The following VPS13B variants were observed in gnomAD, a reference collection of about 807,000 sequenced individuals.
VPS13B encodes the protein vacuolar protein sorting 13 homolog B, also known as intermembrane lipid transfer protein VPS13B.
Under a neutral mutation model 426.4 loss-of-function variants are expected in VPS13B, and 285 were observed. The observed-to-expected ratio is 0.67, with a 90% CI of 0.61 to 0.74. VPS13B has a LOEUF of 0.74. VPS13B is among the 30% of genes least tolerant of loss of function. The probability of loss-of-function intolerance (pLI) is 0.00; values close to 1 mark genes in which losing one functional copy is unlikely to be tolerated. For synonymous variants in VPS13B, 1,676 were observed against 1,676.4 expected (o/e 1.00, Z 0.01); for missense variants, 4,537 against 4,782.6 (o/e 0.95, Z 1.51).
intron 35 of VPS13B, among the ~76,000 whole-genome samples, chr8:99,674,678 TTAAG>T (rs953909000): frequency 6.6e-6 from 1 of 152,094 alleles, no homozygotes; most frequent in African/African-American, 2.4e-5. Context: ...TTCTTTGTGG[TTAAG>T]TAAGTTTTCT....
chr8:99,691,858 C>A (rs1358488797), intron 35 of VPS13B, among the ~76,000 whole-genome samples: 2 of 141,448 alleles, frequency 1.4e-5, no homozygotes, highest in Non-Finnish European at 3.0e-5. Flanking sequence ...ATCTACCAAG[C>A]AAATGGAAAA....
intron 35 of VPS13B, among the ~76,000 whole-genome samples, chr8:99,689,285 T>A (rs1831546514): frequency 1.3e-5 from 2 of 152,192 alleles, no homozygotes; most frequent in Non-Finnish European, 2.9e-5. Flanking sequence ...TAGTACTTCC[T>A]GTAGATCAAA....
intron 25 of VPS13B, among the ~76,000 whole-genome samples, chr8:99,494,696 A>G (rs1820795991): frequency 6.6e-6 from 1 of 151,894 alleles, no homozygotes; most frequent in Admixed American, 6.6e-5. Context: ...TTTGTCTCCT[A>G]ATTTCTCTGG....
At chr8:99,698,139 A>T in intron 35 of VPS13B, 1 of 247,420 alleles carries the variant, frequency 4.0e-6, no homozygotes, top group South Asian at 6.8e-5. Flanking sequence ...TGAATCAGAG[A>T]CTTCCATAAT....
At chr8:99,237,915 C>T (rs578127852) in intron 17 of VPS13B, among the ~76,000 whole-genome samples, 20 of 149,960 alleles carry the variant, frequency 1.3e-4, no homozygotes, top group African/African-American at 4.7e-4. Flanking sequence ...CCTTCTGAAA[C>T]TCTTAATGGC....
chr8:99,699,680 G>A lies in VPS13B; in HGVS notation c.6202G>A (p.Asp2068Asn), dbSNP rs1212718107. 6.2e-7 allele frequency: 1 copy of A among 1,614,150 alleles called. No homozygotes were observed. The highest frequency in any genetic ancestry group is 8.5e-7 in the Non-Finnish European group (1 of 1,180,038). ...SAMSNTMVNK[D>N]DLPVSKYYRG... Reference sequence around the variant, plus strand: ...CATGTCCAACACCATGGTGAATAAGGATGATCTTCCAGTCTCCAAATATTA... The same window carrying A: ...CATGTCCAACACCATGGTGAATAAGAATGATCTTCCAGTCTCCAAATATTA... The change falls in exon 36 of 62, where the codon GAT (aspartate) becomes AAT (asparagine). Residue 2068 changes from aspartate to asparagine, a missense_variant. Physicochemically the swap from Asp to Asn is conservative, Grantham distance 23 (BLOSUM62 1). Coordinates refer to ENST00000357162, the MANE Select transcript of VPS13B (RefSeq NM_152564.5).
intron 22 of VPS13B, 108 bp from the exon 23 acceptor site, chr8:99,442,293 A>G (rs191221966): frequency 1.1e-6 from 1 of 912,044 alleles, no homozygotes; most frequent in African/African-American, 1.7e-5. Context: ...TAAAGACATA[A>G]ATATGGAACA....
intron 39 of VPS13B, among the ~76,000 whole-genome samples, chr8:99,738,857 C>T (rs1588669569): frequency 6.6e-6 from 1 of 152,148 alleles, no homozygotes; most frequent in Non-Finnish European, 1.5e-5. Context: ...GCCAAGATGG[C>T]TGAATAGGAA....
chr8:99,070,176 A>G (rs761593448), intron 3 of VPS13B, among the ~76,000 whole-genome samples: 2 of 152,192 alleles, frequency 1.3e-5, no homozygotes, highest in Non-Finnish European at 2.9e-5. Context: ...AGCCTCCCAA[A>G]GTGCTGGGAT....
At chr8:99,625,795 A>G (rs941789534) in intron 33 of VPS13B, among the ~76,000 whole-genome samples, 5 of 152,172 alleles carry the variant, frequency 3.3e-5, no homozygotes, top group African/African-American at 1.2e-4. Flanking sequence ...GCAGTGAGCT[A>G]TGGTCACGCC....
chr8:99,816,587 C>G (rs1214192369), intron 44 of VPS13B, among the ~76,000 whole-genome samples: 1 of 152,088 alleles, frequency 6.6e-6, no homozygotes, highest in Non-Finnish European at 1.5e-5. Flanking sequence ...GTGAAGATTA[C>G]TTGAGCTCAG....
rs201727789 is a variant in VPS13B at position 99,465,405 on chromosome 8, G to GTT, written c.3446-1994_3446-1993dup. 6.2e-3 allele frequency among the ~76,000 whole-genome samples: 824 copies of GTT among 133,616 alleles called. 13 individuals carry two copies. Among genetic ancestry groups the GTT allele is most frequent in the African/African-American group, 0.021 (769 of 36,426 alleles). 87.7% of individuals were successfully genotyped at this position (133,616 alleles called of 152,430 possible). On this transcript the variant is annotated intron_variant, in intron 23 of 61. Coordinates refer to ENST00000357162, the MANE Select transcript of VPS13B (RefSeq NM_152564.5). ...GACATGAAGTGTAGTACCTTGAAAG[G>GTT]TTTTTTTTTTTTTTTTAGGAGTTAG... is the stretch of plus-strand genomic sequence containing the variant.
In VPS13B at chr8:99,037,457, T is replaced by C. The variant is rs1842799774; in HGVS notation, c.148-966T>C. On this transcript the variant is annotated intron_variant, in intron 2 of 61. Coordinates refer to ENST00000357162, the MANE Select transcript of VPS13B (RefSeq NM_152564.5). Reference sequence around the variant, plus strand: ...ACAGATAATGAAACTGAGGCACAGATACAATAAACTGTCTGCTGGCTGCAG... The same window carrying C: ...ACAGATAATGAAACTGAGGCACAGACACAATAAACTGTCTGCTGGCTGCAG... Among the ~76,000 whole-genome samples, 3 of 152,264 alleles carry C rather than the reference T, an allele frequency of 2.0e-5. No homozygotes were observed. In the South Asian group the frequency reaches 6.2e-4, roughly 32 times the overall value.
chr8:99,506,447 C>G (rs1024056498), intron 27 of VPS13B, among the ~76,000 whole-genome samples: 1 of 152,074 alleles, frequency 6.6e-6, no homozygotes, highest in African/African-American at 2.4e-5. Context: ...GACTGTACCG[C>G]TAAATTTATA....
chr8:99,195,609 A>G (rs1813869126), intron 17 of VPS13B, among the ~76,000 whole-genome samples: 1 of 152,020 alleles, frequency 6.6e-6, no homozygotes, highest in Admixed American at 6.6e-5. Context: ...TATTGCTTTC[A>G]TTTCCTGTGC....
At position 99,734,842 on chromosome 8, in the gene VPS13B, G is replaced by C. The variant is rs1833757743; in HGVS notation, c.7050+13795G>C. Among the ~76,000 whole-genome samples the C allele has an allele frequency of 2.0e-5, 3 of 152,166 alleles. No homozygotes were observed. In the South Asian group the frequency reaches 6.2e-4, roughly 32 times the overall value. Reference sequence around the variant, plus strand: ...CAGAATAAACAGATTTCAATGCCCGGATGTGTATGGTAATGGGAAGGGAAA... The same window carrying C: ...CAGAATAAACAGATTTCAATGCCCGCATGTGTATGGTAATGGGAAGGGAAA... On this transcript the variant is annotated intron_variant, in intron 39 of 61. Coordinates refer to ENST00000357162, the MANE Select transcript of VPS13B (RefSeq NM_152564.5).
Position 99,854,034 on chromosome 8 carries a change from C to G in VPS13B, c.10645C>G (p.Gln3549Glu). 1 of 1,614,210 alleles carries G rather than the reference C, an allele frequency of 6.2e-7. No individual in the cohort carries two copies. The highest frequency in any genetic ancestry group is 2.2e-5 in the East Asian group (1 of 44,882). The change falls in exon 56 of 62, where the codon CAG (glutamine) becomes GAG (glutamate). Residue 3549 changes from glutamine (Q) to glutamate (E), a missense_variant. Transcript: ENST00000357162. ...GKQVLPMQVTQHARALVNPVK... is the reference protein window; with the variant it reads ...GKQVLPMQVTEHARALVNPVK... ...ACAGGTGTTGCCCATGCAGGTCACACAGCACGCCAGGGCCTTGGTGAATCC... is the reference window on the plus strand; with the variant it reads ...ACAGGTGTTGCCCATGCAGGTCACAGAGCACGCCAGGGCCTTGGTGAATCC...
chr8:99,628,198 C>A (rs550545734), intron 33 of VPS13B, among the ~76,000 whole-genome samples: 11 of 152,358 alleles, frequency 7.2e-5, no homozygotes, highest in African/African-American at 2.4e-4. Flanking sequence ...GGAACTCAGC[C>A]AGATCTTTAG....
intron 33 of VPS13B, among the ~76,000 whole-genome samples, chr8:99,589,672 G>T (rs1440207798): frequency 6.6e-6 from 1 of 151,960 alleles, no homozygotes; most frequent in Non-Finnish European, 1.5e-5. Flanking sequence ...ACATACATGT[G>T]CCTGTGTCTT....
Sources: gnomAD v4.1 joint callset for allele counts (sites outside exome capture counted in the v4.1 genomes callset) on GRCh38, gnomAD v4.1.1 for gene constraint, MANE v1.5 for transcripts, NCBI Gene and HGNC (gene_info 2026-07-23, HGNC 2026-07-21) for gene names.